USP6NL: variants seen among roughly 807,000 people sequenced by gnomAD.
USP6NL encodes the protein USP6 N-terminal like, also known as USP6 N-terminal-like protein.
A neutral mutation model predicts 61.9 loss-of-function variants in USP6NL; 26 were observed. The observed-to-expected ratio is 0.42, with a 90% CI of 0.31 to 0.58. The LOEUF (loss-of-function observed/expected upper bound fraction) is 0.58, where lower values mean the gene tolerates loss of function less well. Among genes scored for constraint, USP6NL ranks in the 20% least tolerant of loss-of-function variants. The pLI is 0.16. For missense variants in USP6NL, 1,114 were observed against 1,034.3 expected (o/e 1.08, Z -1.06); for synonymous variants, 432 against 390.1 (o/e 1.11, Z -1.27).
rs1453681684 is a variant in USP6NL at position 11,470,294 on chromosome 10, CT to C, written c.1079-6446del. Among the ~76,000 whole-genome samples the C allele has an allele frequency of 6.6e-6, 1 of 152,282 alleles. No individual in the cohort carries two copies. The highest frequency in any genetic ancestry group is 2.4e-5 in the African/African-American group (1 of 41,550). ...TGGAGGGCCCGCGGGGACTCGCTGG[CT>C]TTTCACAGCCTCTGTAGGGACAGAG... On this transcript the variant is annotated intron_variant, in intron 14 of 14. Coordinates refer to ENST00000609104, the MANE Select transcript of USP6NL (RefSeq NM_014688.5). This position sits in a 1 kb window ranked among gnomAD's most constrained non-coding sequence, Gnocchi z 5.4.
At chr10:11,559,007 T>C (rs1591927066) in intron 2 of USP6NL, among the ~76,000 whole-genome samples, 1 of 152,202 alleles carries the variant, frequency 6.6e-6, no homozygotes, top group Non-Finnish European at 1.5e-5. Flanking sequence ...TAAGTCGAGT[T>C]TGGTTACAGA....
intron 2 of USP6NL, among the ~76,000 whole-genome samples, chr10:11,546,547 G>A (rs4622162): frequency 0.12 from 17,567 of 151,970 alleles, 1,539 homozygotes; most frequent in East Asian, 0.42. Flanking sequence ...GACTACAGGT[G>A]CCCGCCACCA....
In USP6NL at chr10:11,597,854, T is replaced by C. The variant is rs1838380530; in HGVS notation, c.-83-137A>G. 1.9e-6 allele frequency: 1 copy of C among 517,198 alleles called. No individual in the cohort carries two copies. The highest frequency in any genetic ancestry group is 1.9e-5 in the African/African-American group (1 of 52,046). 32.0% of individuals were successfully genotyped at this position (517,198 alleles called of 1,614,324 possible). On this transcript the variant is annotated intron_variant, in intron 1 of 14. Transcript: ENST00000609104. This position sits in a 1 kb window ranked among gnomAD's most constrained non-coding sequence, Gnocchi z 4.6. ...AGAACTCTTGTGATCACCTATTAAA[T>C]ATAAAAGATTATTAATCAACTTTTA...
Position 11,481,869 on chromosome 10 carries a change from G to A in USP6NL, c.979C>T (p.Leu327=). 6.2e-7 allele frequency: 1 copy of A among 1,612,432 alleles called. No homozygotes were observed. The highest frequency in any genetic ancestry group is 8.5e-7 in the Non-Finnish European group (1 of 1,179,236). Reference sequence around the variant, plus strand: ...TCTTCAAAGAAAAAATCCTTTGCCAGGGTCTCCTGAAAAAATTCTACAAGT... The same window carrying A: ...TCTTCAAAGAAAAAATCCTTTGCCAAGGTCTCCTGAAAAAATTCTACAAGT... The part of the protein sequence containing the change: ...EELVEFFQET[L]AKDFFFEDDF... Residue 327 remains leucine, a synonymous_variant, in exon 14 of 15, where the codon CTG becomes TTG. Transcript: ENST00000609104. This position sits in a 1 kb window ranked among gnomAD's most constrained non-coding sequence, Gnocchi z 4.4.
intron 8 of USP6NL, among the ~76,000 whole-genome samples, chr10:11,492,269 A>G (rs1311559716): frequency 2.0e-5 from 3 of 152,246 alleles, no homozygotes; most frequent in Non-Finnish European, 4.4e-5. Flanking sequence ...GCTGGACTGC[A>G]GTGGTTGGCT....
Position 11,562,144 on chromosome 10 carries a change from G to A in USP6NL, c.5-34577C>T, listed in dbSNP as rs553623611. On this transcript the variant is annotated intron_variant, in intron 2 of 14. Coordinates refer to ENST00000609104, the MANE Select transcript of USP6NL (RefSeq NM_014688.5). This position sits in a 1 kb window ranked among gnomAD's most constrained non-coding sequence, Gnocchi z 4.8. Reference sequence around the variant, plus strand: ...AAATACAAAAAATTAGCTGGATGTGGTGGCTGGCGCCTGTAATCCCAGCTA... The same window carrying A: ...AAATACAAAAAATTAGCTGGATGTGATGGCTGGCGCCTGTAATCCCAGCTA... Among the ~76,000 whole-genome samples the A allele has an allele frequency of 1.3e-5, 2 of 152,160 alleles. No individual in the cohort carries two copies. The highest frequency in any genetic ancestry group is 3.9e-4 in the East Asian group (2 of 5,168).
At chr10:11,610,993 C>T (rs1247897677) in intron 1 of USP6NL, among the ~76,000 whole-genome samples, 3 of 152,168 alleles carry the variant, frequency 2.0e-5, no homozygotes, top group Non-Finnish European at 4.4e-5. Flanking sequence ...TTCGCCCCAT[C>T]CTCCCCTCGC....
intron 2 of USP6NL, among the ~76,000 whole-genome samples, chr10:11,572,052 A>G (rs548928767): frequency 2.6e-5 from 4 of 151,874 alleles, no homozygotes; most frequent in African/African-American, 7.2e-5. Flanking sequence ...TATATGAGAT[A>G]TATCTATATA....
At chr10:11,521,528 G>A (rs1052172830) in intron 4 of USP6NL, among the ~76,000 whole-genome samples, 6 of 151,602 alleles carry the variant, frequency 4.0e-5, no homozygotes, top group East Asian at 1.9e-4. Flanking sequence ...TTATAGGAGC[G>A]CGCCACCACG....
In USP6NL at chr10:11,468,960, G is replaced by A. The variant is rs12776855; in HGVS notation, c.1079-5111C>T. On this transcript the variant is annotated intron_variant, in intron 14 of 14. Coordinates refer to ENST00000609104, the MANE Select transcript of USP6NL (RefSeq NM_014688.5). This position sits in a 1 kb window ranked among gnomAD's most constrained non-coding sequence, Gnocchi z 4.5. Reference sequence around the variant, plus strand: ...GAGATTTAATTTTTTAATATAAGGAGTAAGAAAAATATTTACCTTATAATT... The same window carrying A: ...GAGATTTAATTTTTTAATATAAGGAATAAGAAAAATATTTACCTTATAATT... Among the ~76,000 whole-genome samples, 1 of 152,102 alleles carries A rather than the reference G, an allele frequency of 6.6e-6. No homozygotes were observed. The highest frequency in any genetic ancestry group is 6.5e-5 in the Admixed American group (1 of 15,272).
intron 14 of USP6NL, among the ~76,000 whole-genome samples, chr10:11,471,367 C>T (rs1174055751): frequency 6.6e-6 from 1 of 152,176 alleles, no homozygotes; most frequent in East Asian, 1.9e-4. Context: ...AACACTTTTA[C>T]ACTGTTGGTG....
intron 2 of USP6NL, among the ~76,000 whole-genome samples, chr10:11,565,906 T>C (rs963874956): frequency 2.7e-5 from 4 of 146,766 alleles, no homozygotes; most frequent in East Asian, 2.2e-4. Context: ...GCAATACTGA[T>C]TGCAATTCAA....
At position 11,553,937 on chromosome 10, in the gene USP6NL, T is replaced by C. The variant is rs1319525895; in HGVS notation, c.5-26370A>G. 3.3e-5 allele frequency among the ~76,000 whole-genome samples: 5 copies of C among 151,404 alleles called. No homozygotes were observed. The highest frequency in any genetic ancestry group is 7.4e-5 in the Non-Finnish European group (5 of 67,904). ...TAAAACAAGACAAGATGTTTATGTC[T>C]CTCCTGATGTCTAAGAAATCTAGAT... On this transcript the variant is annotated intron_variant, in intron 2 of 14. Coordinates refer to ENST00000609104, the MANE Select transcript of USP6NL (RefSeq NM_014688.5). The surrounding 1 kb of genome is among the most constrained non-coding windows in gnomAD (Gnocchi z 4.8).
intron 2 of USP6NL, among the ~76,000 whole-genome samples, chr10:11,558,191 T>C (rs1294629432): frequency 1.3e-5 from 2 of 152,168 alleles, no homozygotes; most frequent in African/African-American, 4.8e-5. Context: ...TTTGGAGCCC[T>C]GGCCTCTTCT....
rs570345695 is a variant in USP6NL, at chr10:11,494,234, G to A, written c.385-1006C>T. On this transcript the variant is annotated intron_variant, in intron 7 of 14. Coordinates refer to ENST00000609104, the MANE Select transcript of USP6NL (RefSeq NM_014688.5). Reference sequence around the variant, plus strand: ...TTCTGTTTCTTTATGTGCAATCTGCGTTTTCTCTCTAGAAGCTTGTAGGAG... The same window carrying A: ...TTCTGTTTCTTTATGTGCAATCTGCATTTTCTCTCTAGAAGCTTGTAGGAG... Among the ~76,000 whole-genome samples, 78 of 152,218 alleles carry A rather than the reference G, an allele frequency of 5.1e-4. 1 individual carries two copies. The highest frequency in any genetic ancestry group is 1.7e-3 in the African/African-American group (71 of 41,524).
In USP6NL at chr10:11,575,004, A is replaced by G. The variant is rs551636404; in HGVS notation, c.4+22627T>C. On this transcript the variant is annotated intron_variant, in intron 2 of 14. Coordinates refer to ENST00000609104, the MANE Select transcript of USP6NL (RefSeq NM_014688.5). The surrounding 1 kb of genome is among the most constrained non-coding windows in gnomAD (Gnocchi z 4.2). Reference sequence around the variant, plus strand: ...ATACCACCCATAATGTATGCTCCATATGGGTGTTAGGTTCAGAAATCAGTG... The same window carrying G: ...ATACCACCCATAATGTATGCTCCATGTGGGTGTTAGGTTCAGAAATCAGTG... Among the ~76,000 whole-genome samples the G allele has an allele frequency of 6.6e-6, 1 of 152,180 alleles. No individual in the cohort carries two copies. The highest frequency in any genetic ancestry group is 1.5e-5 in the Non-Finnish European group (1 of 68,028).
chr10:11,537,262 C>T lies in USP6NL; in HGVS notation c.5-9695G>A, dbSNP rs1421062082. On this transcript the variant is annotated intron_variant, in intron 2 of 14. Coordinates refer to ENST00000609104, the MANE Select transcript of USP6NL (RefSeq NM_014688.5). The surrounding 1 kb of genome is among the most constrained non-coding windows in gnomAD (Gnocchi z 5.1). ...AAGTAGCTGGGACTACAGGCGCATGCTACCCTGTCTAGCTAATACTTGTAT... is the reference window on the plus strand; with the variant it reads ...AAGTAGCTGGGACTACAGGCGCATGTTACCCTGTCTAGCTAATACTTGTAT... Among the ~76,000 whole-genome samples, 3 of 152,146 alleles carry T rather than the reference C, an allele frequency of 2.0e-5. No homozygotes were observed. The highest frequency in any genetic ancestry group is 2.9e-5 in the Non-Finnish European group (2 of 68,012).
At position 11,602,911 on chromosome 10, in the gene USP6NL, T is replaced by C. The variant is rs1838590040; in HGVS notation, c.-83-5194A>G. ...TCACTAACAGAGAAAGTCTCAACAC[T>C]GTACTTTCACAGTTCTTATGCTTTC... On this transcript the variant is annotated intron_variant, in intron 1 of 14. Coordinates refer to ENST00000609104, the MANE Select transcript of USP6NL (RefSeq NM_014688.5). This position sits in a 1 kb window ranked among gnomAD's most constrained non-coding sequence, Gnocchi z 4.8. 6.6e-6 allele frequency among the ~76,000 whole-genome samples: 1 copy of C among 152,226 alleles called. No homozygotes were observed. Among genetic ancestry groups the C allele is most frequent in the Non-Finnish European group, 1.5e-5 (1 of 68,036 alleles).
At position 11,476,340 on chromosome 10, in the gene USP6NL, A is replaced by T. The variant is rs1832966506; in HGVS notation, c.1078+5430T>A. Reference sequence around the variant, plus strand: ...TTGTTTCTTGGCTACAGAGACAAGTATTTGAGGTGAAGTATCCTGATGTCC... The same window carrying T: ...TTGTTTCTTGGCTACAGAGACAAGTTTTTGAGGTGAAGTATCCTGATGTCC... On this transcript the variant is annotated intron_variant, in intron 14 of 14. Coordinates refer to ENST00000609104, the MANE Select transcript of USP6NL (RefSeq NM_014688.5). The surrounding 1 kb of genome is among the most constrained non-coding windows in gnomAD (Gnocchi z 4.3). Among the ~76,000 whole-genome samples, 3 of 152,278 alleles carry T rather than the reference A, an allele frequency of 2.0e-5. No individual in the cohort carries two copies. In the South Asian group the frequency reaches 6.2e-4, roughly 32 times the overall value.
Sources: allele counts gnomAD v4.1 joint callset (sites outside exome capture counted in the v4.1 genomes callset), GRCh38; gene constraint gnomAD v4.1.1; non-coding constraint Gnocchi (gnomAD v3.1); transcripts MANE v1.5; gene names NCBI Gene and HGNC (gene_info 2026-07-23, HGNC 2026-07-21).